RASSF10: variants seen among roughly 807,000 people sequenced by gnomAD.
RASSF10 encodes the protein ras association domain-containing protein 10.
In RASSF10, 22 loss-of-function variants were observed where a neutral mutation model predicts 41.5. The observed-to-expected ratio is 0.53, with a 90% CI of 0.38 to 0.76. The LOEUF (loss-of-function observed/expected upper bound fraction) is 0.76. Ranked by LOEUF, RASSF10 falls within the 30% of genes least tolerant of loss-of-function variation. The probability of loss-of-function intolerance (pLI) is 0.00; values close to 1 mark genes in which losing one functional copy is unlikely to be tolerated. For missense variants in RASSF10, 776 were observed against 711.8 expected, an observed-to-expected ratio of 1.09 and a Z score of -1.03; for synonymous variants, 364 against 319.0, an observed-to-expected ratio of 1.14 and a Z score of -1.50.
Position 13,010,899 on chromosome 11 carries a change from G to T in RASSF10, c.1323G>T (p.Leu441=), listed in dbSNP as rs1949574440. Residue 441 remains leucine (L), a synonymous_variant, in exon 1 of 1, where the codon CTG becomes CTT. Coordinates refer to ENST00000529419, the MANE Select transcript of RASSF10 (RefSeq NM_001080521.3). The surrounding 1 kb of genome is among the most constrained non-coding windows in gnomAD (Gnocchi z 4.8). ...TGCAAACTTTGCACACTTTGGAGCT[G>T]ACGGTGGCACCGGATGGGGCTCCTG... ...GLLQTLHTLE[L]TVAPDGAPGS... 1 of 1,613,956 alleles carries T rather than the reference G, an allele frequency of 6.2e-7. No individual in the cohort carries two copies. Among genetic ancestry groups the T allele is most frequent in the South Asian group, 1.1e-5 (1 of 91,070 alleles).
rs760455255 is a variant in RASSF10 at position 13,009,381 on chromosome 11, G to GCGCAGC, written c.-191_-186dup. Reference sequence around the variant, plus strand: ...CGGGAGCGCCCGTCGTCCGGGCAGAGCGCAGCCGCAACCGCGACCACAGCC... The same window carrying GCGCAGC: ...CGGGAGCGCCCGTCGTCCGGGCAGAGCGCAGCCGCAGCCGCAACCGCGACCACAGCC... On this transcript the variant is annotated 5_prime_UTR_variant, in exon 1 of 1. Transcript: ENST00000529419. The GCGCAGC allele has an allele frequency of 3.1e-6, 4 of 1,307,178 alleles. No individual in the cohort carries two copies. In the African/African-American group the frequency reaches 6.0e-5, roughly 20 times the overall value. 81.0% of individuals were successfully genotyped at this position (1,307,178 alleles called of 1,614,324 possible). A position where few individuals can be genotyped will look rare whatever the true frequency, so the allele number is the denominator to read the frequency against.
Position 13,010,400 on chromosome 11 carries a change from A to G in RASSF10, c.824A>G (p.Asp275Gly). The G allele has an allele frequency of 1.3e-6, 2 of 1,549,980 alleles. No individual in the cohort carries two copies. Among genetic ancestry groups the G allele is most frequent in the Non-Finnish European group, 8.7e-7 (1 of 1,145,958 alleles). Residue 275 changes from aspartate (D) to glycine (G), a missense_variant, in exon 1 of 1, where the codon GAC (aspartate) becomes GGC (glycine). By Grantham distance (94) the Asp-to-Gly change is moderately conservative. Transcript: ENST00000529419. The surrounding 1 kb of genome is among the most constrained non-coding windows in gnomAD (Gnocchi z 4.8). ...CGTCACGGGGTCAACTACGTGCAGG[A>G]CACTTACTTGGTTGGGGCAGGCATC... ...MRRHGVNYVQDTYLVGAGIEL... is the reference protein window; with the variant it reads ...MRRHGVNYVQGTYLVGAGIEL...
rs367788630 is a variant in RASSF10, at chr11:13,010,273, C to A, written c.697C>A (p.Leu233Ile). Residue 233 changes from leucine to isoleucine, a missense_variant, in exon 1 of 1, where the codon CTT (leucine) becomes ATT (isoleucine). Transcript: ENST00000529419. This position sits in a 1 kb window ranked among gnomAD's most constrained non-coding sequence, Gnocchi z 4.8. ...CATGGAGACGCTGGTGCATCTGGTGCTTTCCCAGGACCACACAATTCGCCA... is the reference window on the plus strand; with the variant it reads ...CATGGAGACGCTGGTGCATCTGGTGATTTCCCAGGACCACACAATTCGCCA... ...ERMETLVHLV[L>I]SQDHTIRQQV... 27 of 1,562,164 alleles carry A rather than the reference C, an allele frequency of 1.7e-5. No individual in the cohort carries two copies. Among genetic ancestry groups the A allele is most frequent in the Non-Finnish European group, 2.3e-5 (27 of 1,153,548 alleles).
In RASSF10 at chr11:13,010,846, A is replaced by C. The variant is rs1324967464; in HGVS notation, c.1270A>C (p.Ser424Arg). The part of the protein sequence containing the change: ...DLDYSQQQWD[S>R]KKRELQGLLQ... ...GGATTACAGCCAGCAGCAATGGGACAGCAAGAAGCGCGAGCTACAGGGCCT... is the reference window on the plus strand; with the variant it reads ...GGATTACAGCCAGCAGCAATGGGACCGCAAGAAGCGCGAGCTACAGGGCCT... The change falls in exon 1 of 1, where the codon AGC (serine) becomes CGC (arginine). Residue 424 changes from serine to arginine, a missense_variant. By Grantham distance (110) the Ser-to-Arg change is moderately radical (BLOSUM62 -1). Transcript: ENST00000529419. This position sits in a 1 kb window ranked among gnomAD's most constrained non-coding sequence, Gnocchi z 4.8. 9 of 1,613,778 alleles carry C rather than the reference A, an allele frequency of 5.6e-6. No homozygotes were observed. The highest frequency in any genetic ancestry group is 1.3e-5 in the African/African-American group (1 of 74,910).
chr11:13,010,778 G>C lies in RASSF10; in HGVS notation c.1202G>C (p.Gly401Ala), dbSNP rs1277919564. 1 of 1,610,292 alleles carries C rather than the reference G, an allele frequency of 6.2e-7. No homozygotes were observed. Among genetic ancestry groups the C allele is most frequent in the Non-Finnish European group, 8.5e-7 (1 of 1,178,372 alleles). The change falls in exon 1 of 1, where the codon GGG becomes GCG. Residue 401 changes from glycine (G) to alanine (A), a missense_variant. Physicochemically the swap from Gly to Ala is moderately conservative, Grantham distance 60 (BLOSUM62 0). Transcript: ENST00000529419. This position sits in a 1 kb window ranked among gnomAD's most constrained non-coding sequence, Gnocchi z 4.8. ...RTQLSTSLYI[G>A]LRLNTDLEAV... ...CAGCTCAGTACCAGCCTTTACATTG[G>C]GCTGCGGCTCAACACGGACCTAGAG... is the stretch of plus-strand genomic sequence containing the variant.
rs753547687 is a variant in RASSF10 at position 13,009,837 on chromosome 11, C to G, written c.261C>G (p.Pro87=). The change falls in exon 1 of 1, where the codon CCC becomes CCG. Residue 87 remains proline, a synonymous_variant. Transcript: ENST00000529419. ...EALPQGMLCG[P]PQCYCIVEKW... ...TGCCGCAGGGCATGCTGTGCGGGCC[C>G]CCGCAGTGCTATTGCATCGTGGAGA... is the stretch of plus-strand genomic sequence containing the variant. The G allele has an allele frequency of 1.2e-6, 2 of 1,606,802 alleles. No individual in the cohort carries two copies. The highest frequency in any genetic ancestry group is 2.2e-5 in the East Asian group (1 of 44,600).
chr11:13,009,934 G>A lies in RASSF10; in HGVS notation c.358G>A (p.Glu120Lys), dbSNP rs780689805. 2 of 1,593,368 alleles carry A rather than the reference G, an allele frequency of 1.3e-6. No individual in the cohort carries two copies. The highest frequency in any genetic ancestry group is 1.7e-6 in the Non-Finnish European group (2 of 1,169,738). ...GCGCCTCTGGGCTGCCTGGGGCGAA[G>A]AGCAAGAGAATGTGCGCTTCGTGCT... ...ILRLWAAWGE[E>K]QENVRFVLVR... The change falls in exon 1 of 1, where the codon GAG becomes AAG. Residue 120 changes from glutamate to lysine, a missense_variant. By Grantham distance (56) the Glu-to-Lys change is moderately conservative. Transcript: ENST00000529419.
chr11:13,009,781 A>AACGAGGACG lies in RASSF10; in HGVS notation c.219_227dup (p.Glu73_Asp75dup), dbSNP rs1162196387. 5 of 1,605,080 alleles carry AACGAGGACG rather than the reference A, an allele frequency of 3.1e-6. No individual in the cohort carries two copies. Among genetic ancestry groups the AACGAGGACG allele is most frequent in the Admixed American group, 1.7e-5 (1 of 59,156 alleles). On this transcript the variant is annotated inframe_insertion, in exon 1 of 1. Transcript: ENST00000529419. ...CCCGGGAGAGCTGCCCGAACCCCCG[A>AACGAGGACG]ACGAGGACGACGAGGACGACGACGA... is the stretch of plus-strand genomic sequence containing the variant.
Position 13,010,207 on chromosome 11 carries a change from T to A in RASSF10, c.631T>A (p.Ser211Thr). The change falls in exon 1 of 1, where the codon TCT becomes ACT. Residue 211 changes from serine (S) to threonine (T), a missense_variant. Ser to Thr is a moderately conservative substitution (Grantham distance 58, BLOSUM62 1). Transcript: ENST00000529419. The surrounding 1 kb of genome is among the most constrained non-coding windows in gnomAD (Gnocchi z 4.8). ...TTCGTCGTCCACTGCCTCGTCCTGC[T>A]CTTCGTCGCCGCGGACCCACGAGAG... Reference protein sequence around the residue: ...STSSSTASSCSSSPRTHESAS... With the variant: ...STSSSTASSCTSSPRTHESAS... 2 of 1,595,348 alleles carry A rather than the reference T, an allele frequency of 1.3e-6. No homozygotes were observed. Among genetic ancestry groups the A allele is most frequent in the Non-Finnish European group, 1.7e-6 (2 of 1,172,566 alleles).
rs202055088 is a variant in RASSF10, at chr11:13,010,858, G to A, written c.1282G>A (p.Glu428Lys). The A allele has an allele frequency of 1.1e-4, 176 of 1,613,932 alleles. No individual in the cohort carries two copies. The African/African-American group carries it at 2.1e-3, about 19-fold the overall frequency. The change falls in exon 1 of 1, where the codon GAG (glutamate) becomes AAG (lysine). Residue 428 changes from glutamate to lysine, a missense_variant. Physicochemically the swap from Glu to Lys is moderately conservative, Grantham distance 56 (BLOSUM62 1). Transcript: ENST00000529419. The surrounding 1 kb of genome is among the most constrained non-coding windows in gnomAD (Gnocchi z 4.8). ...GCAGCAATGGGACAGCAAGAAGCGC[G>A]AGCTACAGGGCCTTCTGCAAACTTT... ...SQQQWDSKKRELQGLLQTLHT... is the reference protein window; with the variant it reads ...SQQQWDSKKRKLQGLLQTLHT...
chr11:13,009,771 C>T lies in RASSF10; in HGVS notation c.195C>T (p.Pro65=), dbSNP rs1224397724. 5 of 1,601,352 alleles carry T rather than the reference C, an allele frequency of 3.1e-6. No homozygotes were observed. The highest frequency in any genetic ancestry group is 1.3e-5 in the African/African-American group (1 of 74,670). ...ACCCGCATGGCCCGGGAGAGCTGCC[C>T]GAACCCCCGAACGAGGACGACGAGG... The part of the protein sequence containing the change: ...AGDPHGPGEL[P]EPPNEDDEDD... Residue 65 remains proline, a synonymous_variant, in exon 1 of 1, where the codon CCC becomes CCT. Transcript: ENST00000529419.
Position 13,010,399 on chromosome 11 carries a change from G to A in RASSF10, c.823G>A (p.Asp275Asn), listed in dbSNP as rs1949568160. 1.3e-6 allele frequency: 2 copies of A among 1,550,138 alleles called. No homozygotes were observed. Among genetic ancestry groups the A allele is most frequent in the Non-Finnish European group, 8.7e-7 (1 of 1,146,056 alleles). ...MRRHGVNYVQDTYLVGAGIEL... is the reference protein window; with the variant it reads ...MRRHGVNYVQNTYLVGAGIEL... ...GCGTCACGGGGTCAACTACGTGCAG[G>A]ACACTTACTTGGTTGGGGCAGGCAT... The change falls in exon 1 of 1, where the codon GAC becomes AAC. Residue 275 changes from aspartate (D) to asparagine (N), a missense_variant. Transcript: ENST00000529419. This position sits in a 1 kb window ranked among gnomAD's most constrained non-coding sequence, Gnocchi z 4.8.
chr11:13,009,945 T>C lies in RASSF10; in HGVS notation c.369T>C (p.Asn123=), dbSNP rs1033808924. 3.2e-6 allele frequency: 5 copies of C among 1,585,696 alleles called. No homozygotes were observed. In the African/African-American group the frequency reaches 6.7e-5, roughly 21 times the overall value. ...LWAAWGEEQE[N]VRFVLVRSEA... ...CTGCCTGGGGCGAAGAGCAAGAGAA[T>C]GTGCGCTTCGTGCTAGTGCGCAGCG... The change falls in exon 1 of 1, where the codon AAT becomes AAC. Residue 123 remains asparagine (N), a synonymous_variant. Coordinates refer to ENST00000529419, the MANE Select transcript of RASSF10 (RefSeq NM_001080521.3).
In RASSF10 at chr11:13,009,471, G is replaced by A. The variant is rs367564330; in HGVS notation, c.-106G>A. On this transcript the variant is annotated 5_prime_UTR_variant, in exon 1 of 1. Coordinates refer to ENST00000529419, the MANE Select transcript of RASSF10 (RefSeq NM_001080521.3). Reference sequence around the variant, plus strand: ...AACAGGGCTAGTGCAGCCGCCGGAGGGGGGCACGGGCTCCTCTCCCATCCC... The same window carrying A: ...AACAGGGCTAGTGCAGCCGCCGGAGAGGGGCACGGGCTCCTCTCCCATCCC... The A allele has an allele frequency of 2.4e-4, 370 of 1,513,428 alleles. No homozygotes were observed. The African/African-American group carries it at 4.5e-3, about 18-fold the overall frequency. 93.7% of individuals were successfully genotyped at this position (1,513,428 alleles called of 1,614,324 possible).
In RASSF10 at chr11:13,010,570, C is replaced by T. The variant is rs547494308; in HGVS notation, c.994C>T (p.Leu332Phe). ...LARRCDDLLRLQEQRVQQEEL... is the reference protein window; with the variant it reads ...LARRCDDLLRFQEQRVQQEEL... ...CCGGCGCTGCGACGACTTGCTGCGG[C>T]TTCAGGAGCAACGGGTTCAGCAGGA... Residue 332 changes from leucine (L) to phenylalanine (F), a missense_variant, in exon 1 of 1, where the codon CTT becomes TTT. Leu to Phe is a conservative substitution (Grantham distance 22). Transcript: ENST00000529419. The surrounding 1 kb of genome is among the most constrained non-coding windows in gnomAD (Gnocchi z 4.8). 5.8e-6 allele frequency: 9 copies of T among 1,556,738 alleles called. No individual in the cohort carries two copies. The African/African-American group carries it at 1.2e-4, about 21-fold the overall frequency.
Position 13,011,188 on chromosome 11 carries a change from AC to A in RASSF10, c.*90del. ...GGGCCAGCCGGCTCGCGGACTTGAA[AC>A]CAGGCTGTTGCGAGCCCAGAGCTCC... is the stretch of plus-strand genomic sequence containing the variant. On this transcript the variant is annotated 3_prime_UTR_variant, in exon 1 of 1. Coordinates refer to ENST00000529419, the MANE Select transcript of RASSF10 (RefSeq NM_001080521.3). 8.8e-7 allele frequency: 1 copy of A among 1,130,376 alleles called. No individual in the cohort carries two copies. Among genetic ancestry groups the A allele is most frequent in the Non-Finnish European group, 1.2e-6 (1 of 812,468 alleles). 70.0% of individuals were successfully genotyped at this position (1,130,376 alleles called of 1,614,324 possible). A position where few individuals can be genotyped will look rare whatever the true frequency, so the allele number is the denominator to read the frequency against.
At position 13,010,913 on chromosome 11, in the gene RASSF10, A is replaced by C. The variant is rs772339589; in HGVS notation, c.1337A>C (p.Asp446Ala). 1 of 1,613,810 alleles carries C rather than the reference A, an allele frequency of 6.2e-7. No individual in the cohort carries two copies. The highest frequency in any genetic ancestry group is 1.3e-5 in the African/African-American group (1 of 74,990). The change falls in exon 1 of 1, where the codon GAT (aspartate) becomes GCT (alanine). Residue 446 changes from aspartate (D) to alanine (A), a missense_variant. By Grantham distance (126) the Asp-to-Ala change is moderately radical. Transcript: ENST00000529419. The surrounding 1 kb of genome is among the most constrained non-coding windows in gnomAD (Gnocchi z 4.8). ...LHTLELTVAPDGAPGSGSPSR... is the reference protein window; with the variant it reads ...LHTLELTVAPAGAPGSGSPSR... ...ACTTTGGAGCTGACGGTGGCACCGGATGGGGCTCCTGGCTCTGGCAGTCCC... is the reference window on the plus strand; with the variant it reads ...ACTTTGGAGCTGACGGTGGCACCGGCTGGGGCTCCTGGCTCTGGCAGTCCC...
Position 13,009,642 on chromosome 11 carries a change from C to G in RASSF10, c.66C>G (p.Leu22=). The G allele has an allele frequency of 1.2e-6, 2 of 1,601,026 alleles. No individual in the cohort carries two copies. The highest frequency in any genetic ancestry group is 8.5e-7 in the Non-Finnish European group (1 of 1,173,966). Residue 22 remains leucine (L), a synonymous_variant, in exon 1 of 1, where the codon CTC becomes CTG. Transcript: ENST00000529419. ...AGGAAGAGAAGCTGGTGTCCGGCCTCTCCCGCCGCACCACTTGCTCCGACG... is the reference window on the plus strand; with the variant it reads ...AGGAAGAGAAGCTGGTGTCCGGCCTGTCCCGCCGCACCACTTGCTCCGACG... ...ICQEEKLVSG[L]SRRTTCSDVV... is the part of the protein sequence containing the mutation.
chr11:13,010,189 T>A lies in RASSF10; in HGVS notation c.613T>A (p.Ser205Thr). ...TPSSCSSTSSSTASSCSSSPR... is the reference protein window; with the variant it reads ...TPSSCSSTSSTTASSCSSSPR... ...GTCGTCCTGTTCGTCCACTTCGTCG[T>A]CCACTGCCTCGTCCTGCTCTTCGTC... Residue 205 changes from serine (S) to threonine (T), a missense_variant, in exon 1 of 1, where the codon TCC becomes ACC. Ser to Thr is a moderately conservative substitution (Grantham distance 58, BLOSUM62 1). Coordinates refer to ENST00000529419, the MANE Select transcript of RASSF10 (RefSeq NM_001080521.3). The surrounding 1 kb of genome is among the most constrained non-coding windows in gnomAD (Gnocchi z 4.8). The A allele has an allele frequency of 6.3e-7, 1 of 1,594,990 alleles. No individual in the cohort carries two copies. Among genetic ancestry groups the A allele is most frequent in the South Asian group, 1.1e-5 (1 of 87,010 alleles).
Sources: gnomAD v4.1 joint callset for allele counts on GRCh38, gnomAD v4.1.1 for gene constraint, Gnocchi (gnomAD v3.1) non-coding constraint, MANE v1.5 for transcripts, NCBI Gene and HGNC (gene_info 2026-07-23, HGNC 2026-07-21) for gene names.